ASIC1: variants seen among roughly 807,000 people sequenced by gnomAD.
The protein encoded by ASIC1 is acid-sensing ion channel 1.
A neutral mutation model predicts 63.4 loss-of-function variants in ASIC1; 21 were observed. The ratio of observed to expected loss-of-function variants is 0.33; its 90% CI spans 0.23 to 0.48. The LOEUF is 0.48. Among genes scored for constraint, ASIC1 ranks in the 20% least tolerant of loss-of-function variants. ASIC1 has a pLI of 0.99. For synonymous variants in ASIC1, 258 were observed against 278.2 expected (o/e 0.93, Z 0.72); for missense variants, 478 against 695.5 (o/e 0.69, Z 3.52).
At chr12:50,061,887 A>G (rs1950504187) in intron 3 of ASIC1, among the ~76,000 whole-genome samples, 2 of 152,202 alleles carry the variant, frequency 1.3e-5, no homozygotes, top group South Asian at 4.1e-4. Flanking sequence ...ATTGGCTCAC[A>G]AAGTTCTGGA....
At chr12:50,081,013 A>G in intron 9 of ASIC1, 89 bp from the exon 10 acceptor site, 2 of 1,203,782 alleles carry the variant, frequency 1.7e-6, no homozygotes, top group Non-Finnish European at 2.4e-6. Flanking sequence ...TCCCTTTGAG[A>G]ATACAACTTG....
chr12:50,060,364 A>G (rs1950490092), intron 3 of ASIC1, among the ~76,000 whole-genome samples: 1 of 152,184 alleles, frequency 6.6e-6, no homozygotes, highest in Admixed American at 6.5e-5. Flanking sequence ...GGAATGCAGG[A>G]CTTTGCCACC....
At chr12:50,067,552 A>T (rs139459261) in intron 3 of ASIC1, among the ~76,000 whole-genome samples, 2 of 151,850 alleles carry the variant, frequency 1.3e-5, no homozygotes, top group Non-Finnish European at 2.9e-5. Context: ...TGGATTACAG[A>T]TGCGTGCCAC....
rs1950741381 is a variant in ASIC1, at chr12:50,083,395, T to A, written c.*1746T>A. ...TCCCTAGCTGTGTCTTGGTCTTCAATCCCAGAACAGGACCTGTGAGCAGCT... is the reference window on the plus strand; with the variant it reads ...TCCCTAGCTGTGTCTTGGTCTTCAAACCCAGAACAGGACCTGTGAGCAGCT... On this transcript the variant is annotated 3_prime_UTR_variant, in exon 12 of 12. Coordinates refer to ENST00000447966, the MANE Select transcript of ASIC1 (RefSeq NM_001095.4). The A allele has an allele frequency of 6.6e-6, 1 of 152,454 alleles. No homozygotes were observed. The highest frequency in any genetic ancestry group is 1.5e-5 in the Non-Finnish European group (1 of 68,134). The allele number at this position is 152,454 out of a possible 1,614,324, so 9.4% of individuals were successfully genotyped here.
Position 50,080,634 on chromosome 12 carries a change from G to A in ASIC1, c.1297+45G>A, listed in dbSNP as rs771014434. On this transcript the variant is annotated intron_variant, in intron 9 of 11. Transcript: ENST00000447966. ...TGTCCCCTTCTCATGCCATGGGCAT[G>A]GCGTGGCTCCCTATCATCCAAAAGC... is the stretch of plus-strand genomic sequence containing the variant. 37 of 1,614,054 alleles carry A rather than the reference G, an allele frequency of 2.3e-5. 1 individual carries two copies. The highest frequency in any genetic ancestry group is 1.2e-4 in the South Asian group (11 of 91,088).
intron 3 of ASIC1, among the ~76,000 whole-genome samples, chr12:50,075,029 G>A (rs932811671): frequency 3.3e-5 from 5 of 151,864 alleles, no homozygotes; most frequent in African/African-American, 9.7e-5. Flanking sequence ...CCCACCCAGG[G>A]GTCCAGGGCT....
rs1950620835 is a variant in ASIC1, at chr12:50,073,599, C to T, written c.559-3614C>T. Reference sequence around the variant, plus strand: ...CCCTGGAGAAAATGCCCATCCAGATCTTCTGCTCCATGTCATTCTCCTCTG... The same window carrying T: ...CCCTGGAGAAAATGCCCATCCAGATTTTCTGCTCCATGTCATTCTCCTCTG... On this transcript the variant is annotated intron_variant, in intron 3 of 11. Coordinates refer to ENST00000447966, the MANE Select transcript of ASIC1 (RefSeq NM_001095.4). 2.0e-6 allele frequency: 3 copies of T among 1,529,816 alleles called. No individual in the cohort carries two copies. In the African/African-American group the frequency reaches 4.1e-5, roughly 21 times the overall value. 94.8% of individuals were successfully genotyped at this position (1,529,816 alleles called of 1,614,324 possible).
In ASIC1 at chr12:50,074,375, G is replaced by A. The variant is rs1472079850; in HGVS notation, c.559-2838G>A. 10 of 1,386,626 alleles carry A rather than the reference G, an allele frequency of 7.2e-6. No homozygotes were observed. Among genetic ancestry groups the A allele is most frequent in the Non-Finnish European group, 9.3e-6 (10 of 1,069,738 alleles). The allele number at this position is 1,386,626 out of a possible 1,614,324, so 85.9% of individuals were successfully genotyped here. Reference sequence around the variant, plus strand: ...GACTGTGCTGCCCCCTACCTCATCTGGCTGACACAGGCCAGAGCTCACCCA... The same window carrying A: ...GACTGTGCTGCCCCCTACCTCATCTAGCTGACACAGGCCAGAGCTCACCCA... On this transcript the variant is annotated intron_variant, in intron 3 of 11. Transcript: ENST00000447966. The surrounding 1 kb of genome is among the most constrained non-coding windows in gnomAD (Gnocchi z 4.2).
At chr12:50,067,329 C>T (rs1481916102) in intron 3 of ASIC1, among the ~76,000 whole-genome samples, 1 of 152,082 alleles carries the variant, frequency 6.6e-6, no homozygotes, top group African/African-American at 2.4e-5. Flanking sequence ...TTCATGTTGC[C>T]GAATCCAGCA....
At chr12:50,073,119 G>C (rs1032102830) in intron 3 of ASIC1, among the ~76,000 whole-genome samples, 1 of 152,112 alleles carries the variant, frequency 6.6e-6, no homozygotes, top group Non-Finnish European at 1.5e-5. Flanking sequence ...TGTGTCCTGG[G>C]GGGGTAGGGA....
chr12:50,079,098 C>T, intron 7 of ASIC1, 118 bp downstream of exon 7: 2 of 996,340 alleles, frequency 2.0e-6, no homozygotes, highest in Admixed American at 4.3e-5. Context: ...TGGGCTGCAC[C>T]CTCTCTTGTG....
intron 3 of ASIC1, among the ~76,000 whole-genome samples, chr12:50,067,714 C>T (rs747314488): frequency 2.0e-5 from 3 of 152,120 alleles, no homozygotes; most frequent in African/African-American, 4.8e-5. Flanking sequence ...CCACTGCGCC[C>T]GGACCCCACC....
At chr12:50,062,568 A>AT (rs1227901459) in intron 3 of ASIC1, among the ~76,000 whole-genome samples, 1 of 151,318 alleles carries the variant, frequency 6.6e-6, no homozygotes, top group African/African-American at 2.4e-5. Flanking sequence ...TTGCTGTGGG[A>AT]TACCACCCCC....
chr12:50,080,343 C>T, intron 8 of ASIC1, 155 bp from the exon 9 acceptor site: 1 of 811,512 alleles, frequency 1.2e-6, no homozygotes, highest in Non-Finnish European at 2.0e-6. Flanking sequence ...TATATGCCAT[C>T]TCATTTAATC....
intron 3 of ASIC1, among the ~76,000 whole-genome samples, chr12:50,062,175 T>C (rs184634489): frequency 2.0e-5 from 3 of 152,340 alleles, no homozygotes; most frequent in African/African-American, 4.8e-5. Context: ...CTGGAGTCCA[T>C]GTCTGACACC....
chr12:50,067,561 A>G (rs917887560), intron 3 of ASIC1, among the ~76,000 whole-genome samples: 30 of 151,886 alleles, frequency 2.0e-4, no homozygotes, highest in Non-Finnish European at 3.2e-4. Flanking sequence ...GATGCGTGCC[A>G]CCATGCGCGG....
chr12:50,073,911 C>T, intron 3 of ASIC1: 1 of 1,535,484 alleles, frequency 6.5e-7, no homozygotes, highest in African/African-American at 1.4e-5. Context: ...AGGTAGGGGA[C>T]CGCGTTGCTT....
At chr12:50,073,160 G>A (rs983740099) in intron 3 of ASIC1, among the ~76,000 whole-genome samples, 2 of 152,114 alleles carry the variant, frequency 1.3e-5, no homozygotes, top group Admixed American at 1.3e-4. Flanking sequence ...ATGGCAGTGG[G>A]TGCAAAGGAT....
At chr12:50,081,409 ACCGCCCCAGGAACC>A in intron 11 of ASIC1, 45 bp downstream of exon 11, 2 of 1,514,274 alleles carry the variant, frequency 1.3e-6, no homozygotes, top group Non-Finnish European at 1.8e-6. Flanking sequence ...CTGTGCCTCC[ACCGCCCCAGGAACC>A]CCGTCCACCC....
Sources: allele counts gnomAD v4.1 joint callset (sites outside exome capture counted in the v4.1 genomes callset), GRCh38; gene constraint gnomAD v4.1.1; non-coding constraint Gnocchi (gnomAD v3.1); transcripts MANE v1.5; gene names NCBI Gene and HGNC (gene_info 2026-07-23, HGNC 2026-07-21).